CCDC171: variants seen among roughly 807,000 people sequenced by gnomAD.
CCDC171 encodes coiled-coil domain-containing protein 171.
In CCDC171, 177 loss-of-function variants were observed where a neutral mutation model predicts 168.2. The ratio of observed to expected loss-of-function variants is 1.05; its 90% CI spans 0.93 to 1.19. The LOEUF is 1.19. Ranked by LOEUF, CCDC171 falls within the 50% of genes most tolerant of loss-of-function variation. The probability of loss-of-function intolerance (pLI) is 0.00; values close to 1 mark genes in which losing one functional copy is unlikely to be tolerated. For missense variants in CCDC171, 1,991 were observed against 1,539.0 expected (o/e 1.29, Z -4.91); for synonymous variants, 687 against 540.8 (o/e 1.27, Z -3.75).
chr9:15,671,534 G>T (rs2049112863), intron 9 of CCDC171, among the ~76,000 whole-genome samples: 1 of 101,376 alleles, frequency 9.9e-6, no homozygotes, highest in South Asian at 3.6e-4. Flanking sequence ...CCAGGCCCCA[G>T]TGTGTGATGT....
chr9:15,639,155 A>G (rs2046412163), intron 7 of CCDC171, among the ~76,000 whole-genome samples: 1 of 152,070 alleles, frequency 6.6e-6, no homozygotes. Flanking sequence ...AATTGTTGAT[A>G]AAGACCACCT....
At position 15,745,622 on chromosome 9, in the gene CCDC171, G is replaced by T. The variant is rs2055217420; in HGVS notation, c.2662G>T (p.Gly888Cys). The T allele has an allele frequency of 1.3e-6, 2 of 1,561,446 alleles. No homozygotes were observed. The highest frequency in any genetic ancestry group is 2.0e-5 in the Admixed American group (1 of 50,100). ...SSMAELQDVIGKADPNSRICG... is the reference protein window; with the variant it reads ...SSMAELQDVICKADPNSRICG... Reference sequence around the variant, plus strand: ...TATGGCTGAATTACAAGACGTCATTGGTAAAGCAGGTATGGTTCCTTCTTT... The same window carrying T: ...TATGGCTGAATTACAAGACGTCATTTGTAAAGCAGGTATGGTTCCTTCTTT... The change falls in exon 18 of 26, where the codon GGT (glycine) becomes TGT (cysteine). Residue 888 changes from glycine (G) to cysteine (C), a missense_variant. Coordinates refer to ENST00000380701, the MANE Select transcript of CCDC171 (RefSeq NM_173550.4).
chr9:15,596,498 G>T (rs1431229795), intron 6 of CCDC171, among the ~76,000 whole-genome samples: 1 of 152,012 alleles, frequency 6.6e-6, no homozygotes, highest in Non-Finnish European at 1.5e-5. Flanking sequence ...TGTTCCATTG[G>T]TCTATATCTC....
chr9:15,764,626 A>T (rs571384793), intron 18 of CCDC171, among the ~76,000 whole-genome samples: 1 of 152,308 alleles, frequency 6.6e-6, no homozygotes, highest in East Asian at 1.9e-4. Context: ...AGTTTTTTTG[A>T]CATGTTATGT....
At chr9:15,558,848 C>T (rs2039030767) in intron 1 of CCDC171, among the ~76,000 whole-genome samples, 1 of 152,062 alleles carries the variant, frequency 6.6e-6, no homozygotes, top group African/African-American at 2.4e-5. Flanking sequence ...TAGATCTTTC[C>T]TGCTTTCTCT....
At chr9:15,843,880 A>G (rs1236456202) in intron 21 of CCDC171, among the ~76,000 whole-genome samples, 1 of 152,128 alleles carries the variant, frequency 6.6e-6, no homozygotes, top group Non-Finnish European at 1.5e-5. Flanking sequence ...ACTGCTTAAC[A>G]GGATCTTCAT....
intron 10 of CCDC171, among the ~76,000 whole-genome samples, chr9:15,691,982 A>C (rs1259267387): frequency 6.6e-6 from 1 of 152,044 alleles, no homozygotes. Context: ...CCTTTCACTG[A>C]CCTGTGAGTC....
chr9:15,934,063 C>T (rs1245973016), intron 25 of CCDC171, among the ~76,000 whole-genome samples: 10 of 151,814 alleles, frequency 6.6e-5, no homozygotes, highest in East Asian at 1.9e-4. Context: ...AGAACTCTTA[C>T]AACTCAACAA....
chr9:15,863,993 G>A (rs537806942), intron 23 of CCDC171, among the ~76,000 whole-genome samples: 3 of 152,034 alleles, frequency 2.0e-5, no homozygotes, highest in Non-Finnish European at 2.9e-5. Flanking sequence ...CCTTTGTCAC[G>A]TATAGCAACT....
At chr9:15,918,449 C>T (rs1824855094) in intron 24 of CCDC171, among the ~76,000 whole-genome samples, 1 of 148,424 alleles carries the variant, frequency 6.7e-6, no homozygotes, top group Admixed American at 6.8e-5. Flanking sequence ...AAAACCAGGA[C>T]TTGTGATTTC....
intron 23 of CCDC171, among the ~76,000 whole-genome samples, chr9:15,854,852 T>G (rs909813699): frequency 2.0e-5 from 3 of 151,788 alleles, no homozygotes; most frequent in African/African-American, 7.2e-5. Flanking sequence ...ACTTGTTATT[T>G]AAGAGTGAGC....
At chr9:15,793,646 T>TTCAAGAA (rs2058398847) in intron 21 of CCDC171, among the ~76,000 whole-genome samples, 3 of 141,010 alleles carry the variant, frequency 2.1e-5, no homozygotes, top group Non-Finnish European at 4.5e-5. Context: ...ACTCTCCAGG[T>TTCAAGAA]TCAAGTGATT....
chr9:15,738,893 A>G (rs1014677428), intron 16 of CCDC171, among the ~76,000 whole-genome samples: 5 of 152,134 alleles, frequency 3.3e-5, no homozygotes, highest in African/African-American at 9.7e-5. Flanking sequence ...TTCAGTGTCT[A>G]TTATGGGCAA....
At chr9:15,574,231 G>T (rs994275992) in intron 3 of CCDC171, among the ~76,000 whole-genome samples, 7 of 151,256 alleles carry the variant, frequency 4.6e-5, no homozygotes, top group Non-Finnish European at 1.0e-4. Flanking sequence ...TGCAACCTCT[G>T]CCTCCCAGGT....
intron 5 of CCDC171, 33 bp downstream of exon 5, chr9:15,591,589 A>G: frequency 8.3e-7 from 1 of 1,204,582 alleles, no homozygotes; most frequent in Non-Finnish European, 1.2e-6. Context: ...ATTTTCCGAT[A>G]TGTAATATTC....
chr9:16,003,099 C>G (rs1226273354), intron 3 of CCDC171, among the ~76,000 whole-genome samples: 1 of 152,228 alleles, frequency 6.6e-6, no homozygotes, highest in African/African-American at 2.4e-5. Flanking sequence ...ACCCCTTACA[C>G]AATTTCTGCA....
intron 25 of CCDC171, among the ~76,000 whole-genome samples, chr9:15,964,309 A>T (rs905806153): frequency 6.6e-6 from 1 of 152,118 alleles, no homozygotes; most frequent in Non-Finnish European, 1.5e-5. Flanking sequence ...TGTGTTGCAC[A>T]TATTTTTACC....
chr9:15,688,534 A>G (rs1402076271), intron 10 of CCDC171, among the ~76,000 whole-genome samples: 2 of 152,216 alleles, frequency 1.3e-5, no homozygotes, highest in Non-Finnish European at 2.9e-5. Context: ...ATCAAGTGGG[A>G]TTTATCTCAG....
intron 3 of CCDC171, among the ~76,000 whole-genome samples, chr9:16,006,409 T>C (rs532317062): frequency 1.3e-5 from 2 of 152,310 alleles, no homozygotes; most frequent in East Asian, 3.9e-4. Context: ...GAAATGACTA[T>C]GCAGATTCTT....
Sources: gnomAD v4.1 joint callset for allele counts (sites outside exome capture counted in the v4.1 genomes callset) on GRCh38, gnomAD v4.1.1 for gene constraint, MANE v1.5 for transcripts, NCBI Gene and HGNC (gene_info 2026-07-23, HGNC 2026-07-21) for gene names.